Variants in DOCK2 observed in about 807,000 individuals in gnomAD.
DOCK2 encodes dedicator of cytokinesis 2.
In DOCK2, 87 loss-of-function variants were observed where a neutral mutation model predicts 248.9. That is an observed-to-expected ratio of 0.35 (90% CI 0.29 to 0.42). The LOEUF is 0.42. DOCK2 is among the 10% of genes least tolerant of loss of function. The pLI, the probability that DOCK2 is intolerant of heterozygous loss-of-function variation, is 1.00. For synonymous variants in DOCK2, 805 were observed against 821.6 expected, an observed-to-expected ratio of 0.98 and a Z score of 0.35; for missense variants, 1,747 against 2,300.2, an observed-to-expected ratio of 0.76 and a Z score of 4.92.
chr5:169,912,509 A>G (rs543730895), intron 27 of DOCK2, among the ~76,000 whole-genome samples: 1 of 152,214 alleles, frequency 6.6e-6, no homozygotes, highest in Non-Finnish European at 1.5e-5. Context: ...TTATTGAGAC[A>G]TCAGCATTCT....
chr5:169,685,522 T>G (rs1759917097), intron 8 of DOCK2, among the ~76,000 whole-genome samples: 1 of 152,198 alleles, frequency 6.6e-6, no homozygotes, highest in Admixed American at 6.5e-5. Flanking sequence ...CACGCCCGGC[T>G]AATTTTTAAG....
chr5:169,847,079 A>G (rs1012987469), intron 27 of DOCK2, among the ~76,000 whole-genome samples: 2 of 152,164 alleles, frequency 1.3e-5, no homozygotes, highest in Non-Finnish European at 2.9e-5. Context: ...TATATCCCAC[A>G]TTATCTACTC....
chr5:169,847,120 C>T (rs976987324), intron 27 of DOCK2, among the ~76,000 whole-genome samples: 1 of 152,204 alleles, frequency 6.6e-6, no homozygotes, highest in African/African-American at 2.4e-5. Flanking sequence ...GTTGGTTCCA[C>T]ATGTTGGCAA....
chr5:169,897,423 A>G, intron 27 of DOCK2, among the ~76,000 whole-genome samples: 1 of 151,994 alleles, frequency 6.6e-6, no homozygotes, highest in African/African-American at 2.4e-5. Context: ...TCTCCTAACC[A>G]CATGATCCTC....
intron 27 of DOCK2, among the ~76,000 whole-genome samples, chr5:169,867,431 G>A (rs59202350): frequency 6.1e-5 from 8 of 131,544 alleles, no homozygotes; most frequent in African/African-American, 2.2e-4. Context: ...CTGTCTGTCT[G>A]TCTGTCTATC....
At chr5:170,057,747 T>C (rs1757184814) in intron 44 of DOCK2, 81 bp downstream of exon 44, 3 of 1,261,498 alleles carry the variant, frequency 2.4e-6, no homozygotes, top group Non-Finnish European at 3.3e-6. Flanking sequence ...CCCTTTGACT[T>C]TAAAAAGGAG....
intron 27 of DOCK2, chr5:169,864,541 T>G (rs1437639582): frequency 5.5e-5 from 60 of 1,086,262 alleles, no homozygotes; most frequent in Non-Finnish European, 6.8e-5. Flanking sequence ...CCAACTAATA[T>G]GGAAGAGCAT....
chr5:169,698,914 A>G (rs1410840096), intron 11 of DOCK2, among the ~76,000 whole-genome samples: 1 of 152,118 alleles, frequency 6.6e-6, no homozygotes, highest in Non-Finnish European at 1.5e-5. Context: ...ATGACTTAGG[A>G]GGAGGGCAAT....
intron 50 of DOCK2, chr5:170,080,549 T>G: frequency 4.4e-6 from 2 of 456,688 alleles, no homozygotes; most frequent in East Asian, 7.4e-5. Flanking sequence ...AGCATCCATT[T>G]GTCACACTAG....
intron 26 of DOCK2, among the ~76,000 whole-genome samples, chr5:169,834,984 TAAAA>T (rs754121119): frequency 6.6e-6 from 1 of 151,590 alleles, no homozygotes; most frequent in Non-Finnish European, 1.5e-5. Context: ...AGATAGTACT[TAAAA>T]AAACTAAACA....
chr5:169,708,068 C>A, intron 14 of DOCK2, 101 bp from the exon 15 acceptor site: 2 of 1,242,504 alleles, frequency 1.6e-6, no homozygotes, highest in Non-Finnish European at 2.3e-6. Flanking sequence ...CAGGGTTGGC[C>A]CAGGCCCTAA....
chr5:170,034,938 T>A lies in DOCK2; in HGVS notation c.3624+383T>A, dbSNP rs182294522. Among the ~76,000 whole-genome samples, 624 of 152,292 alleles carry A rather than the reference T, an allele frequency of 4.1e-3. 3 individuals are homozygous for A. Among genetic ancestry groups the A allele is most frequent in the Non-Finnish European group, 6.8e-3 (463 of 68,022 alleles). ...CTAAGGAAATGTTCTGAAGTCTTAG[T>A]TTGCTTATCTATTACATGGAGAAAA... On this transcript the variant is annotated intron_variant, in intron 35 of 51. Coordinates refer to ENST00000520908, the MANE Select transcript of DOCK2 (RefSeq NM_004946.3).
chr5:169,995,975 G>T, intron 29 of DOCK2, 111 bp from the exon 30 acceptor site: 2 of 1,048,498 alleles, frequency 1.9e-6, no homozygotes, highest in Non-Finnish European at 2.8e-6. Context: ...TCAGTAATTT[G>T]GCCTTTGAGC....
chr5:169,787,836 T>G (rs1292890513), intron 25 of DOCK2, among the ~76,000 whole-genome samples: 1 of 151,896 alleles, frequency 6.6e-6, no homozygotes, highest in East Asian at 1.9e-4. Context: ...CTTCCTCTCT[T>G]TTTTCTGCTC....
At chr5:170,013,642 A>G (rs1262425968) in intron 32 of DOCK2, among the ~76,000 whole-genome samples, 1 of 152,096 alleles carries the variant, frequency 6.6e-6, no homozygotes, top group African/African-American at 2.4e-5. Context: ...GATCCTCCAG[A>G]AGGAACTCAG....
At position 169,717,534 on chromosome 5, in the gene DOCK2, G is replaced by T. The variant is rs1007993140; in HGVS notation, c.2132+50G>T. The T allele has an allele frequency of 2.0e-6, 3 of 1,531,334 alleles. No homozygotes were observed. In the African/African-American group the frequency reaches 4.1e-5, roughly 21 times the overall value. 94.9% of individuals were successfully genotyped at this position (1,531,334 alleles called of 1,614,324 possible). On this transcript the variant is annotated intron_variant, in intron 21 of 51. Coordinates refer to ENST00000520908, the MANE Select transcript of DOCK2 (RefSeq NM_004946.3). ...TTCTTCTCTACCACCCTCTTGCCCT[G>T]CCAGGATGCCTAGGGCACAGGAACT... is the stretch of plus-strand genomic sequence containing the variant.
chr5:169,702,720 T>A (rs1337842168), intron 14 of DOCK2: 1 of 186,202 alleles, frequency 5.4e-6, no homozygotes, highest in Admixed American at 6.2e-5. Context: ...TATTTACTTT[T>A]GCTTGGTCTC....
In DOCK2 at chr5:169,638,244, T is replaced by C. The variant is rs1394220771; in HGVS notation, c.43+875T>C. On this transcript the variant is annotated intron_variant, in intron 1 of 51. Transcript: ENST00000520908. ...GAAGACCCAAACACCCAGAGGGATT[T>C]GATGCAGGGGGTCCCCAGGCCACTG... Among the ~76,000 whole-genome samples, 2 of 152,176 alleles carry C rather than the reference T, an allele frequency of 1.3e-5. 1 individual carries two copies. The highest frequency in any genetic ancestry group is 1.3e-4 in the Admixed American group (2 of 15,284).
intron 45 of DOCK2, 25 bp from the exon 46 acceptor site, chr5:170,069,112 C>G: frequency 1.2e-6 from 2 of 1,608,382 alleles, no homozygotes; most frequent in South Asian, 2.2e-5. Context: ...ACAGGAAACC[C>G]TGACCTCCTA....
Sources: gnomAD v4.1 joint callset for allele counts (sites outside exome capture counted in the v4.1 genomes callset) on GRCh38, gnomAD v4.1.1 for gene constraint, MANE v1.5 for transcripts, NCBI Gene and HGNC (gene_info 2026-07-23, HGNC 2026-07-21) for gene names.